The following TNRC6B variants were observed in gnomAD, a reference collection of about 807,000 sequenced individuals.
TNRC6B encodes trinucleotide repeat containing adaptor 6B.
In TNRC6B, 52 loss-of-function variants were observed where a neutral mutation model predicts 203.6. That is an observed-to-expected ratio of 0.26 (90% confidence interval 0.20 to 0.32). The LOEUF is 0.32. Ranked by LOEUF, TNRC6B falls within the 10% of genes least tolerant of loss-of-function variation. The pLI is 1.00. For missense variants in TNRC6B, 1,923 were observed against 2,286.2 expected (o/e 0.84, Z 3.24); for synonymous variants, 838 against 845.7 (o/e 0.99, Z 0.16).
At chr22:40,206,731 G>A (rs1388815569) in intron 1 of TNRC6B, among the ~76,000 whole-genome samples, 1 of 152,166 alleles carries the variant, frequency 6.6e-6, no homozygotes, top group African/African-American at 2.4e-5. Context: ...GCGTAAGTGG[G>A]AAGCCTAGAC....
At chr22:40,125,801 G>A in exon 3 of TNRC6B, 1 of 1,609,054 alleles carries the variant, frequency 6.2e-7, no homozygotes, top group Non-Finnish European at 8.5e-7. Flanking sequence ...GCAGAGTTTT[G>A]CACAAAATCT....
At chr22:40,124,389 C>T (rs2068470385) in intron 2 of TNRC6B, among the ~76,000 whole-genome samples, 1 of 144,376 alleles carries the variant, frequency 6.9e-6, no homozygotes, top group African/African-American at 2.6e-5. Flanking sequence ...GTGGTGTGAT[C>T]ACAGCTCACT....
At chr22:40,156,167 G>C in exon 4 of TNRC6B, 1 of 1,576,286 alleles carries the variant, frequency 6.3e-7, no homozygotes, top group East Asian at 2.3e-5. Context: ...CCACCTCCTG[G>C]TGAAGAAAGC....
At position 40,312,539 on chromosome 22, in the gene TNRC6B, A is replaced by G; in HGVS notation, c.4470A>G (p.Gln1490=). The change falls in exon 18 of 23, where the codon CAA becomes CAG. Residue 1490 remains glutamine, a synonymous_variant. Transcript: ENST00000454349. ...CAGGAGTGCCATGGAAAGGTATCCA[A>G]AACATTGACCCTGAATCTGACCCCT... ...FQPGVPWKGI[Q]NIDPESDPYV... 1 of 1,613,762 alleles carries G rather than the reference A, an allele frequency of 6.2e-7. No homozygotes were observed. Among genetic ancestry groups the G allele is most frequent in the Non-Finnish European group, 8.5e-7 (1 of 1,179,872 alleles).
intron 1 of TNRC6B, among the ~76,000 whole-genome samples, chr22:40,232,542 A>T (rs1006213019): frequency 6.6e-5 from 10 of 152,188 alleles, no homozygotes; most frequent in African/African-American, 9.6e-5. Flanking sequence ...TTTGAGTAGG[A>T]AGCCACATCT....
chr22:40,310,747 C>T (rs1008788159), intron 16 of TNRC6B, 70 bp from the exon 17 acceptor site: 7 of 1,445,480 alleles, frequency 4.8e-6, no homozygotes, highest in African/African-American at 2.8e-5. Context: ...TGCATTCCAG[C>T]GAATAAAAAA....
Position 40,324,027 on chromosome 22 carries a change from A to T in TNRC6B, c.*786A>T, listed in dbSNP as rs952662442. ...AGTCTGCAGGCTGGCTGGCCGGCCC[A>T]TCTGCTTTTTATTTTATTTTTTTAA... On this transcript the variant is annotated 3_prime_UTR_variant, in exon 23 of 23. Coordinates refer to ENST00000454349, the MANE Select transcript of TNRC6B (RefSeq NM_001162501.2). 1 of 152,306 alleles carries T rather than the reference A, an allele frequency of 6.6e-6. No individual in the cohort carries two copies. The highest frequency in any genetic ancestry group is 1.5e-5 in the Non-Finnish European group (1 of 68,070). 9.4% of individuals were successfully genotyped at this position (152,306 alleles called of 1,614,324 possible).
At chr22:40,210,211 A>G (rs969539202) in intron 1 of TNRC6B, among the ~76,000 whole-genome samples, 3 of 152,042 alleles carry the variant, frequency 2.0e-5, no homozygotes, top group African/African-American at 7.3e-5. Flanking sequence ...TTAACTATAA[A>G]ACAGAGATAG....
At position 40,301,154 on chromosome 22, in the gene TNRC6B, C is replaced by T; in HGVS notation, c.3941C>T (p.Ala1314Val). Residue 1314 changes from alanine to valine, a missense_variant, in exon 15 of 23, where the codon GCT (alanine) becomes GTT (valine). Physicochemically the swap from Ala to Val is moderately conservative, Grantham distance 64 (BLOSUM62 0). Coordinates refer to ENST00000454349, the MANE Select transcript of TNRC6B (RefSeq NM_001162501.2). ...AVRQQQEQQL[A>V]RMVSALQQQQ... ...TCTGTCTCTCTTGGCCCTCAGCTGG[C>T]TCGAATGGTGAGTGCACTGCAGCAG... is the stretch of plus-strand genomic sequence containing the variant. 1 of 1,550,928 alleles carries T rather than the reference C, an allele frequency of 6.4e-7. No individual in the cohort carries two copies. The highest frequency in any genetic ancestry group is 1.4e-5 in the African/African-American group (1 of 71,920).
At chr22:40,281,952 G>GA (rs1256159987) in intron 11 of TNRC6B, among the ~76,000 whole-genome samples, 1 of 152,194 alleles carries the variant, frequency 6.6e-6, no homozygotes, top group African/African-American at 2.4e-5. Context: ...TGCCAGGCCT[G>GA]AGGGTGCACA....
At chr22:40,317,060 T>G (rs1017558441) in intron 21 of TNRC6B, among the ~76,000 whole-genome samples, 1 of 152,190 alleles carries the variant, frequency 6.6e-6, no homozygotes, top group Non-Finnish European at 1.5e-5. Flanking sequence ...GCTACCTGTT[T>G]CTGTGTTAAT....
chr22:40,290,375 T>A (rs1364704236), intron 12 of TNRC6B, among the ~76,000 whole-genome samples: 1 of 152,212 alleles, frequency 6.6e-6, no homozygotes, highest in Non-Finnish European at 1.5e-5. Flanking sequence ...TCAGCGGGAA[T>A]CCCCTCGTGG....
rs41281265 is a variant in TNRC6B at position 40,324,700 on chromosome 22, A to G, written c.*1459A>G. 0.31 allele frequency: 47,660 copies of G among 152,450 alleles called. 8,292 individuals carry two copies. Among genetic ancestry groups the G allele is most frequent in the South Asian group, 0.47 (2,270 of 4,822 alleles). 9.4% of individuals were successfully genotyped at this position (152,450 alleles called of 1,614,324 possible). A position where few individuals can be genotyped will look rare whatever the true frequency, so the allele number is the denominator to read the frequency against. ...TGTTCTTAAACCAGTGTGTACTTCA[A>G]GCGTTTCCTTTTGTTTCTCTGTGTT... On this transcript the variant is annotated 3_prime_UTR_variant, in exon 23 of 23. Transcript: ENST00000454349.
At chr22:40,227,801 A>G (rs2069812419) in intron 1 of TNRC6B, among the ~76,000 whole-genome samples, 2 of 152,238 alleles carry the variant, frequency 1.3e-5, no homozygotes, top group African/African-American at 4.8e-5. Context: ...GATAAAAAAA[A>G]TGCAACATGA....
chr22:40,116,699 C>T (rs1192615670), intron 1 of TNRC6B, among the ~76,000 whole-genome samples: 1 of 152,148 alleles, frequency 6.6e-6, no homozygotes, highest in Non-Finnish European at 1.5e-5. Flanking sequence ...GTGAGAAATT[C>T]ATGACGGATG....
exon 3 of TNRC6B, chr22:40,125,803 A>C (rs747663514): frequency 6.2e-7 from 1 of 1,610,052 alleles, no homozygotes; most frequent in South Asian, 1.1e-5. Flanking sequence ...AGAGTTTTGC[A>C]CAAAATCTGT....
intron 1 of TNRC6B, among the ~76,000 whole-genome samples, chr22:40,097,332 G>T (rs1601812944): frequency 6.6e-6 from 1 of 151,992 alleles, no homozygotes; most frequent in Non-Finnish European, 1.5e-5. Context: ...GCCAGACAGG[G>T]TCTTTCTCTG....
At chr22:40,313,170 T>C (rs2071209767) in intron 19 of TNRC6B, among the ~76,000 whole-genome samples, 173 bp downstream of exon 19, 1 of 152,234 alleles carries the variant, frequency 6.6e-6, no homozygotes, top group Non-Finnish European at 1.5e-5. Flanking sequence ...GAGGAACTTC[T>C]AGTCTCAGGA....
intron 4 of TNRC6B, 144 bp downstream of exon 4, chr22:40,262,317 C>T (rs1478906465): frequency 1.2e-5 from 9 of 724,070 alleles, no homozygotes; most frequent in East Asian, 3.1e-5. Flanking sequence ...TCCTAGTATG[C>T]GATGTGTATT....
Sources: gnomAD v4.1 joint callset for allele counts (sites outside exome capture counted in the v4.1 genomes callset) on GRCh38, gnomAD v4.1.1 for gene constraint, MANE v1.5 for transcripts, NCBI Gene and HGNC (gene_info 2026-07-23, HGNC 2026-07-21) for gene names.